Variants in QRFPR observed in about 807,000 individuals in gnomAD.
QRFPR encodes pyroglutamylated RF-amide peptide receptor.
In QRFPR, 37 loss-of-function variants were observed where a neutral mutation model predicts 31.3. The ratio of observed to expected loss-of-function variants is 1.18; its 90% confidence interval spans 0.91 to 1.56. The LOEUF (loss-of-function observed/expected upper bound fraction) is 1.56. QRFPR is among the 40% of genes most tolerant of loss of function. QRFPR has a pLI of 0.00. For synonymous variants in QRFPR, 197 were observed against 192.0 expected (o/e 1.03, Z -0.22); for missense variants, 542 against 532.5 (o/e 1.02, Z -0.18).
At chr4:121,362,462 A>T (rs62319045) in intron 1 of QRFPR, among the ~76,000 whole-genome samples, 44,774 of 149,338 alleles carry the variant, frequency 0.3, 8,700 homozygotes, top group Middle Eastern at 0.41. Flanking sequence ...TTTTCTGGAC[A>T]TCAACAAACT....
chr4:121,329,494 C>T lies in QRFPR; in HGVS notation c.1116G>A (p.Lys372=), dbSNP rs770031216. 5 of 1,614,174 alleles carry T rather than the reference C, an allele frequency of 3.1e-6. No individual in the cohort carries two copies. In the Admixed American group the frequency reaches 8.3e-5, roughly 27 times the overall value. ...HGNSGITMMR[K]KAKFSLRENP... ...TCTCTCTGAGGGAAAACTTTGCTTT[C>T]TTCCGCATCATTGTAATTCCTGAAT... The change falls in exon 6 of 6, where the codon AAG becomes AAA. Residue 372 remains lysine, a synonymous_variant. Transcript: ENST00000394427.
rs374343864 is a variant in QRFPR at position 121,365,533 on chromosome 4, TAA to T, written c.340+14773_340+14774del. On this transcript the variant is annotated intron_variant, in intron 1 of 5. Coordinates refer to ENST00000394427, the MANE Select transcript of QRFPR (RefSeq NM_198179.3). ...TAATATATATTATATATATTATATATAATATATATTATATATAATATATAATA... is the reference window on the plus strand; with the variant it reads ...TAATATATATTATATATATTATATATTATATATTATATATAATATATAATA... Among the ~76,000 whole-genome samples the T allele has an allele frequency of 3.4e-4, 3 of 8,888 alleles. 1 individual carries two copies. Among genetic ancestry groups the T allele is most frequent in the African/African-American group, 1.0e-3 (2 of 1,940 alleles). 5.8% of individuals were successfully genotyped at this position (8,888 alleles called of 152,430 possible).
chr4:121,359,142 G>C (rs1195158878), intron 1 of QRFPR, among the ~76,000 whole-genome samples: 1 of 152,104 alleles, frequency 6.6e-6, no homozygotes, highest in Non-Finnish European at 1.5e-5. Context: ...GTGTTTCAAT[G>C]GTTTGGAAGC....
chr4:121,338,589 T>C (rs990951985), intron 2 of QRFPR, among the ~76,000 whole-genome samples: 1 of 152,220 alleles, frequency 6.6e-6, no homozygotes, highest in Non-Finnish European at 1.5e-5. Flanking sequence ...CTTCTTCCAA[T>C]ATGGCCCAGG....
At chr4:121,343,786 A>C (rs55766300) in intron 1 of QRFPR, among the ~76,000 whole-genome samples, 1 of 151,980 alleles carries the variant, frequency 6.6e-6, no homozygotes, top group Non-Finnish European at 1.5e-5. Context: ...AAACAAAAGA[A>C]AATTTTTGCT....
At chr4:121,378,713 A>G (rs1027334259) in intron 1 of QRFPR, among the ~76,000 whole-genome samples, 32 of 152,022 alleles carry the variant, frequency 2.1e-4, no homozygotes, top group Non-Finnish European at 2.6e-4. Context: ...GTGAGCCACC[A>G]CGCCTGGCCA....
intron 3 of QRFPR, among the ~76,000 whole-genome samples, chr4:121,333,622 G>C (rs1725377963): frequency 6.6e-6 from 1 of 152,110 alleles, no homozygotes; most frequent in Non-Finnish European, 1.5e-5. Flanking sequence ...GAGAAATTGG[G>C]ATTCAAACTA....
rs1002095304 is a variant in QRFPR, at chr4:121,367,623, G to A, written c.340+12685C>T. 4.7e-5 allele frequency among the ~76,000 whole-genome samples: 7 copies of A among 150,222 alleles called. 1 individual carries two copies. The highest frequency in any genetic ancestry group is 1.7e-4 in the African/African-American group (7 of 40,722). ...TAAAAAGTTCTCTAATGTCCTTATT[G>A]TCTCTAAAATTATTCTACACACAAA... On this transcript the variant is annotated intron_variant, in intron 1 of 5. Transcript: ENST00000394427.
intron 2 of QRFPR, among the ~76,000 whole-genome samples, chr4:121,338,862 C>T (rs1249013079): frequency 6.6e-6 from 1 of 152,210 alleles, no homozygotes. Flanking sequence ...TGTTGTCACT[C>T]GCGCTACTTC....
Position 121,366,094 on chromosome 4 carries a change from T to C in QRFPR, c.340+14214A>G, listed in dbSNP as rs72917781. ...GGGGTGGAACTGCTGAAGGCACCCC[T>C]GCACAAACAGGGCCAAAGCAGGTGG... On this transcript the variant is annotated intron_variant, in intron 1 of 5. Coordinates refer to ENST00000394427, the MANE Select transcript of QRFPR (RefSeq NM_198179.3). Among the ~76,000 whole-genome samples the C allele has an allele frequency of 6.1e-3, 904 of 149,392 alleles. 61 individuals carry two copies. The highest frequency in any genetic ancestry group is 0.022 in the African/African-American group (871 of 40,290).
chr4:121,338,038 T>C (rs1211050259), intron 2 of QRFPR, among the ~76,000 whole-genome samples: 5 of 152,176 alleles, frequency 3.3e-5, no homozygotes, highest in Admixed American at 2.6e-4. Context: ...TAAGCCATAA[T>C]TGGGGTTTAT....
intron 1 of QRFPR, among the ~76,000 whole-genome samples, chr4:121,376,957 G>C (rs544866583): frequency 1.2e-4 from 18 of 152,096 alleles, no homozygotes; most frequent in Admixed American, 7.9e-4. Flanking sequence ...AGGTGCTGCT[G>C]GTCCCCAGCA....
intron 4 of QRFPR, among the ~76,000 whole-genome samples, 184 bp downstream of exon 4, chr4:121,332,637 T>A (rs1250210471): frequency 6.6e-6 from 1 of 152,178 alleles, no homozygotes; most frequent in African/African-American, 2.4e-5. Context: ...GAGCTGGTAG[T>A]CTTGTTGTTT....
chr4:121,334,793 C>A (rs999845684), intron 3 of QRFPR, among the ~76,000 whole-genome samples: 3 of 152,136 alleles, frequency 2.0e-5, no homozygotes, highest in Non-Finnish European at 4.4e-5. Context: ...AAGCAGAGAG[C>A]GGCAGTGAGA....
In QRFPR at chr4:121,380,489, C is replaced by T. The variant is rs1171763423; in HGVS notation, c.159G>A (p.Val53=). 6.2e-7 allele frequency: 1 copy of T among 1,614,194 alleles called. No homozygotes were observed. Among genetic ancestry groups the T allele is most frequent in the Non-Finnish European group, 8.5e-7 (1 of 1,180,002 alleles). Residue 53 remains valine, a synonymous_variant, in exon 1 of 6, where the codon GTG becomes GTA. Transcript: ENST00000394427. ...CAAAGAGCGCCAGGGCGAAGATGAGCACGCCGGTGAGCACGAGGGCCAGCT... is the reference window on the plus strand; with the variant it reads ...CAAAGAGCGCCAGGGCGAAGATGAGTACGCCGGTGAGCACGAGGGCCAGCT... ...RAKLALVLTG[V]LIFALALFGN...
chr4:121,348,289 G>C (rs865811898), intron 1 of QRFPR, among the ~76,000 whole-genome samples: 2 of 152,204 alleles, frequency 1.3e-5, no homozygotes, highest in Middle Eastern at 6.8e-3. Context: ...CTGTGTTTAG[G>C]CCAATGTCTA....
intron 2 of QRFPR, among the ~76,000 whole-genome samples, chr4:121,338,211 CTA>C (rs1342271894): frequency 6.6e-6 from 1 of 152,166 alleles, no homozygotes; most frequent in Non-Finnish European, 1.5e-5. Context: ...CACATCTGTT[CTA>C]TTTTAATCAC....
At chr4:121,359,466 A>G (rs757749689) in intron 1 of QRFPR, among the ~76,000 whole-genome samples, 20 of 152,218 alleles carry the variant, frequency 1.3e-4, no homozygotes, top group Middle Eastern at 3.4e-3. Flanking sequence ...CCAGTCTCCC[A>G]GCCTGCATCT....
intron 1 of QRFPR, among the ~76,000 whole-genome samples, chr4:121,374,399 T>C (rs1361481315): frequency 6.6e-6 from 1 of 152,234 alleles, no homozygotes; most frequent in African/African-American, 2.4e-5. Flanking sequence ...ATCTATTATT[T>C]CTTTTAATCT....
Sources: allele counts gnomAD v4.1 joint callset (sites outside exome capture counted in the v4.1 genomes callset), GRCh38; gene constraint gnomAD v4.1.1; transcripts MANE v1.5; gene names NCBI Gene and HGNC (gene_info 2026-07-23, HGNC 2026-07-21).